The following STAU1 variants were observed in gnomAD, a reference collection of about 807,000 sequenced individuals.
STAU1 encodes staufen double-stranded RNA binding protein 1.
In STAU1, 13 loss-of-function variants were observed where a neutral mutation model predicts 62.9. The ratio of observed to expected loss-of-function variants is 0.21; its 90% CI spans 0.13 to 0.33. The LOEUF is 0.33. Ranked by LOEUF, STAU1 falls within the 10% of genes least tolerant of loss-of-function variation. The pLI is 1.00. For missense variants in STAU1, 571 were observed against 712.1 expected (o/e 0.80, Z 2.25); for synonymous variants, 269 against 265.1 (o/e 1.01, Z -0.14).
At chr20:49,153,284 G>A (rs908179547) in intron 4 of STAU1, among the ~76,000 whole-genome samples, 3 of 131,748 alleles carry the variant, frequency 2.3e-5, no homozygotes, top group Non-Finnish European at 5.3e-5. Context: ...ACAAAGGGCC[G>A]GGTGTGGTGG....
chr20:49,136,801 G>A (rs558659101), intron 5 of STAU1, among the ~76,000 whole-genome samples: 8 of 152,128 alleles, frequency 5.3e-5, no homozygotes, highest in South Asian at 4.2e-4. Context: ...AGGTTCAAGC[G>A]ATTCTCCTGC....
chr20:49,122,674 T>C (rs2092492431), intron 8 of STAU1, among the ~76,000 whole-genome samples: 1 of 152,088 alleles, frequency 6.6e-6, no homozygotes, highest in Non-Finnish European at 1.5e-5. Context: ...TCCCAGCACT[T>C]TGGGAGGCTG....
At chr20:49,175,834 G>A (rs1455766367) in intron 1 of STAU1, among the ~76,000 whole-genome samples, 4 of 108,816 alleles carry the variant, frequency 3.7e-5, no homozygotes, top group Admixed American at 1.2e-4. Flanking sequence ...TCTCGCTGTC[G>A]TCCAGGCTGG....
intron 1 of STAU1, among the ~76,000 whole-genome samples, chr20:49,181,595 T>C (rs2093724786): frequency 6.6e-6 from 1 of 151,700 alleles, no homozygotes; most frequent in Non-Finnish European, 1.5e-5. Context: ...CAAAACCCCA[T>C]CTCTGCTAAA....
chr20:49,202,568 A>C, the STAU1 span, among the ~76,000 whole-genome samples: 1 of 151,682 alleles, frequency 6.6e-6, no homozygotes, highest in Non-Finnish European at 1.5e-5. Context: ...CATCTCAAAA[A>C]ACTAAAAAAT....
In STAU1 at chr20:49,158,857, C is replaced by T. The variant is rs758905156; in HGVS notation, c.206-4786G>A. The T allele has an allele frequency of 6.1e-4, 596 of 981,052 alleles. 3 individuals carry two copies. Among genetic ancestry groups the T allele is most frequent in the Non-Finnish European group, 7.7e-4 (555 of 723,586 alleles). 60.8% of individuals were successfully genotyped at this position (981,052 alleles called of 1,614,324 possible). A position where few individuals can be genotyped will look rare whatever the true frequency, so the allele number is the denominator to read the frequency against. ...GCTCATGCCTGTAATCCCAGCAGATCGCGCCACTGCACTCCAGCCTGGGCC... is the reference window on the plus strand; with the variant it reads ...GCTCATGCCTGTAATCCCAGCAGATTGCGCCACTGCACTCCAGCCTGGGCC... On this transcript the variant is annotated intron_variant, in intron 3 of 13. Coordinates refer to ENST00000371856, the MANE Select transcript of STAU1 (RefSeq NM_017453.4).
intron 3 of STAU1, among the ~76,000 whole-genome samples, chr20:49,162,133 TTCCTGGGCATCC>T (rs146663198): frequency 0.014 from 2,129 of 152,314 alleles, 44 homozygotes; most frequent in African/African-American, 0.048. Flanking sequence ...GAAACTCTCA[TTCCTGGGCATCC>T]TCTAGTCTTT....
intron 6 of STAU1, among the ~76,000 whole-genome samples, chr20:49,126,976 C>T (rs2092641634): frequency 2.0e-5 from 3 of 152,102 alleles, no homozygotes; most frequent in Admixed American, 2.0e-4. Flanking sequence ...GACTTTATAA[C>T]AGGAGAAAGC....
chr20:49,159,844 G>A (rs1419155641), intron 3 of STAU1, among the ~76,000 whole-genome samples: 2 of 152,226 alleles, frequency 1.3e-5, no homozygotes, highest in African/African-American at 2.4e-5. Flanking sequence ...ATACAAGCAT[G>A]AGCCACTGCT....
chr20:49,113,646 T>C lies in STAU1; in HGVS notation c.*1232A>G, dbSNP rs903042307. 6.6e-6 allele frequency: 1 copy of C among 152,602 alleles called. No homozygotes were observed. Among genetic ancestry groups the C allele is most frequent in the African/African-American group, 2.4e-5 (1 of 41,454 alleles). The allele number at this position is 152,602 out of a possible 1,614,324, so 9.5% of individuals were successfully genotyped here. A position where few individuals can be genotyped will look rare whatever the true frequency, so the allele number is the denominator to read the frequency against. On this transcript the variant is annotated 3_prime_UTR_variant, in exon 14 of 14. Transcript: ENST00000371856. ...ACTCGCAGGGCTACCAGGCTTTCCA[T>C]ACGGACCACACGCAGAGCCTCAGTG...
At chr20:49,215,925 T>C in the STAU1 span, among the ~76,000 whole-genome samples, 1 of 144,998 alleles carries the variant, frequency 6.9e-6, no homozygotes, top group African/African-American at 2.6e-5. Context: ...GGAGAATCAT[T>C]TGAACCCAGG....
At chr20:49,185,903 T>C (rs1041382572) in intron 1 of STAU1, among the ~76,000 whole-genome samples, 5 of 151,908 alleles carry the variant, frequency 3.3e-5, no homozygotes, top group African/African-American at 9.7e-5. Flanking sequence ...GGAGAGAGTC[T>C]CTCTCTGTCG....
chr20:49,168,656 ATG>A (rs1451824064), intron 2 of STAU1, among the ~76,000 whole-genome samples: 1 of 152,176 alleles, frequency 6.6e-6, no homozygotes, highest in Non-Finnish European at 1.5e-5. Context: ...TAAAATTTTT[ATG>A]TGTCTTATTT....
At chr20:49,145,818 G>A (rs2093119366) in intron 5 of STAU1, among the ~76,000 whole-genome samples, 1 of 152,052 alleles carries the variant, frequency 6.6e-6, no homozygotes, top group Non-Finnish European at 1.5e-5. Flanking sequence ...CTTGAATCCA[G>A]GACTTCAAGG....
rs1394833407 is a variant in STAU1, at chr20:49,124,462, A to G, written c.735T>C (p.Val245=). The G allele has an allele frequency of 6.2e-7, 1 of 1,614,182 alleles. No individual in the cohort carries two copies. Among genetic ancestry groups the G allele is most frequent in the Non-Finnish European group, 8.5e-7 (1 of 1,180,032 alleles). ...KISKKNAAIA[V]LEELKKLPPL... is the part of the protein sequence containing the mutation. ...GCGGTAACTTCTTCAGCTCCTCAAG[A>G]ACAGCTATGGCGGCATTTTTCTTTG... is the stretch of plus-strand genomic sequence containing the variant. Residue 245 remains valine (V), a synonymous_variant, in exon 7 of 14, where the codon GTT becomes GTC. Transcript: ENST00000371856.
Position 49,151,614 on chromosome 20 carries a change from G to A in STAU1, c.478C>T (p.Leu160=), listed in dbSNP as rs2093250867. The stretch of plus-strand genomic sequence containing the variant: ...CTCTCTGGCAGGGGCTCATTCTGCA[G>A]GATCCTCAACGCTTTGGCAGCAGCA... The part of the protein sequence containing the change: ...HDAAAKALRI[L]QNEPLPERLE... The change falls in exon 5 of 14, where the codon CTG becomes TTG. Residue 160 remains leucine, a synonymous_variant. Coordinates refer to ENST00000371856, the MANE Select transcript of STAU1 (RefSeq NM_017453.4). 3 of 1,610,748 alleles carry A rather than the reference G, an allele frequency of 1.9e-6. No individual in the cohort carries two copies. Among genetic ancestry groups the A allele is most frequent in the Non-Finnish European group, 2.5e-6 (3 of 1,178,824 alleles).
At chr20:49,129,848 T>C (rs1600655845) in intron 6 of STAU1, among the ~76,000 whole-genome samples, 1 of 151,918 alleles carries the variant, frequency 6.6e-6, no homozygotes, top group Admixed American at 6.6e-5. Flanking sequence ...GGCTGGTCTC[T>C]AACTCCTGAC....
chr20:49,208,120 C>T, the STAU1 span, among the ~76,000 whole-genome samples: 15 of 152,156 alleles, frequency 9.9e-5, no homozygotes, highest in South Asian at 2.1e-4. Flanking sequence ...AGTGCAGTGG[C>T]GCCATCTCAG....
intron 6 of STAU1, among the ~76,000 whole-genome samples, chr20:49,127,784 G>A (rs1290360633): frequency 3.9e-5 from 6 of 152,160 alleles, no homozygotes; most frequent in South Asian, 2.1e-4. Context: ...AGGCCAAGGC[G>A]GGTGGATGGC....
Sources: allele counts gnomAD v4.1 joint callset (sites outside exome capture counted in the v4.1 genomes callset), GRCh38; gene constraint gnomAD v4.1.1; transcripts MANE v1.5; gene names NCBI Gene and HGNC (gene_info 2026-07-23, HGNC 2026-07-21).